Variants in MINDY3 observed in about 807,000 individuals in gnomAD.
MINDY3 encodes MINDY lysine 48 deubiquitinase 3, also known as ubiquitin carboxyl-terminal hydrolase MINDY-3.
In MINDY3, 38 loss-of-function variants were observed where a neutral mutation model predicts 69.2. The ratio of observed to expected loss-of-function variants is 0.55; its 90% CI spans 0.42 to 0.72. The LOEUF (loss-of-function observed/expected upper bound fraction) is 0.72, where lower values mean the gene tolerates loss of function less well. MINDY3 is among the 30% of genes least tolerant of loss of function. The probability of loss-of-function intolerance (pLI) is 0.00; values close to 1 mark genes in which losing one functional copy is unlikely to be tolerated. For synonymous variants in MINDY3, 192 were observed against 180.1 expected, an observed-to-expected ratio of 1.07 and a Z score of -0.53; for missense variants, 522 against 519.0, an observed-to-expected ratio of 1.01 and a Z score of -0.06.
At position 15,811,230 on chromosome 10, in the gene MINDY3, A is replaced by G. The variant is rs921479709; in HGVS notation, c.882+5605T>C. Among the ~76,000 whole-genome samples, 3 of 152,176 alleles carry G rather than the reference A, an allele frequency of 2.0e-5. No homozygotes were observed. In the East Asian group the frequency reaches 5.8e-4, roughly 29 times the overall value. ...TAAACATAATTCACAATAAAACCGA[A>G]GTTGAAATGTCAAAGATTTTTTTTC... On this transcript the variant is annotated intron_variant, in intron 10 of 14. Transcript: ENST00000277632.
intron 11 of MINDY3, among the ~76,000 whole-genome samples, chr10:15,790,334 G>A (rs181831359): frequency 1.3e-5 from 2 of 152,222 alleles, no homozygotes; most frequent in Admixed American, 6.5e-5. Context: ...GATTGGCCTT[G>A]ACTAAAAGGT....
At chr10:15,800,476 G>A (rs768418357) in intron 10 of MINDY3, among the ~76,000 whole-genome samples, 3 of 152,016 alleles carry the variant, frequency 2.0e-5, no homozygotes, top group East Asian at 3.9e-4. Context: ...CAAGTATGGC[G>A]CTAATCATCT....
At chr10:15,842,364 G>A (rs763020191) in intron 3 of MINDY3, among the ~76,000 whole-genome samples, 8 of 151,764 alleles carry the variant, frequency 5.3e-5, no homozygotes, top group Non-Finnish European at 7.4e-5. Context: ...TTATGACAAT[G>A]CTTTACAAAT....
At chr10:15,834,198 T>A (rs1023072615) in intron 7 of MINDY3, among the ~76,000 whole-genome samples, 3 of 151,914 alleles carry the variant, frequency 2.0e-5, no homozygotes, top group African/African-American at 7.2e-5. Context: ...AAATGGGGAA[T>A]GTTTTTCTCC....
intron 10 of MINDY3, among the ~76,000 whole-genome samples, chr10:15,802,901 T>C (rs913443835): frequency 6.6e-6 from 1 of 151,846 alleles, no homozygotes; most frequent in Non-Finnish European, 1.5e-5. Flanking sequence ...TAACTCTTAA[T>C]CACACCACTT....
At chr10:15,800,046 C>T (rs924127549) in intron 10 of MINDY3, among the ~76,000 whole-genome samples, 1 of 151,986 alleles carries the variant, frequency 6.6e-6, no homozygotes, top group Non-Finnish European at 1.5e-5. Flanking sequence ...TGCATGGGTC[C>T]ACTTATATGT....
chr10:15,854,089 A>G (rs117185689), intron 1 of MINDY3, among the ~76,000 whole-genome samples: 69 of 152,292 alleles, frequency 4.5e-4, no homozygotes, highest in Non-Finnish European at 9.6e-4. Context: ...GTTATAAATT[A>G]ATGCAGAGGT....
At chr10:15,829,074 T>C (rs1295783899) in intron 8 of MINDY3, among the ~76,000 whole-genome samples, 2 of 152,174 alleles carry the variant, frequency 1.3e-5, no homozygotes, top group African/African-American at 2.4e-5. Flanking sequence ...GCACCTCGTT[T>C]ACAGAAGCAA....
intron 6 of MINDY3, among the ~76,000 whole-genome samples, chr10:15,836,192 A>G (rs1833069946): frequency 6.6e-6 from 1 of 152,008 alleles, no homozygotes; most frequent in Admixed American, 6.6e-5. Flanking sequence ...AACCTGCATT[A>G]TACCCTCAAT....
At chr10:15,831,106 C>T (rs1283997176) in intron 8 of MINDY3, among the ~76,000 whole-genome samples, 1 of 152,014 alleles carries the variant, frequency 6.6e-6, no homozygotes, top group African/African-American at 2.4e-5. Flanking sequence ...AAGTTAGAGA[C>T]AGATAAAGAG....
At position 15,779,000 on chromosome 10, in the gene MINDY3, G is replaced by C; in HGVS notation, c.1330C>G (p.Leu444Val). The C allele has an allele frequency of 2.5e-6, 4 of 1,612,644 alleles. No homozygotes were observed. The highest frequency in any genetic ancestry group is 3.4e-6 in the Non-Finnish European group (4 of 1,179,260). ...LLWTTDRSPS[L>V]N ...ATAAATACTTAGACAAATTAATTTA[G>C]TGAAGGAGAGCGATCTGTGGTCCAG... is the stretch of plus-strand genomic sequence containing the variant. The change falls in exon 15 of 15, where the codon CTA (leucine) becomes GTA (valine). Residue 444 changes from leucine (L) to valine (V), a missense_variant. Coordinates refer to ENST00000277632, the MANE Select transcript of MINDY3 (RefSeq NM_024948.4).
chr10:15,852,739 G>C (rs543922981), intron 1 of MINDY3, among the ~76,000 whole-genome samples: 2 of 152,032 alleles, frequency 1.3e-5, no homozygotes, highest in South Asian at 2.1e-4. Flanking sequence ...AGTGTAATTC[G>C]GATTAGAAAG....
intron 9 of MINDY3, chr10:15,817,147 T>A: frequency 2.3e-6 from 1 of 437,496 alleles, no homozygotes; most frequent in Non-Finnish European, 4.0e-6. Flanking sequence ...AACAACAATA[T>A]AGATTTAACA....
chr10:15,853,423 T>C (rs1051856262), intron 1 of MINDY3, among the ~76,000 whole-genome samples: 1 of 152,102 alleles, frequency 6.6e-6, no homozygotes, highest in Non-Finnish European at 1.5e-5. Flanking sequence ...TATGGTGTAA[T>C]ACATTGCTGG....
rs2131984576 is a variant in MINDY3 at position 15,817,710 on chromosome 10, T to G, written c.802-795A>C. 2.6e-5 allele frequency: 4 copies of G among 152,310 alleles called. No individual in the cohort carries two copies. The Middle Eastern group carries it at 0.014, about 518-fold the overall frequency. The allele number at this position is 152,310 out of a possible 1,614,324, so 9.4% of individuals were successfully genotyped here. A position where few individuals can be genotyped will look rare whatever the true frequency, so the allele number is the denominator to read the frequency against. ...AAAATGACGAATCTTAGCAATACAA[T>G]TTGCTGCATTTTCCTTTTTCTTACA... On this transcript the variant is annotated intron_variant, in intron 9 of 14. Coordinates refer to ENST00000277632, the MANE Select transcript of MINDY3 (RefSeq NM_024948.4).
At chr10:15,827,307 C>T (rs1006818344) in intron 8 of MINDY3, among the ~76,000 whole-genome samples, 2 of 151,760 alleles carry the variant, frequency 1.3e-5, no homozygotes, top group Non-Finnish European at 2.9e-5. Flanking sequence ...TTTGGAAGGC[C>T]GAGGTTGACG....
intron 11 of MINDY3, among the ~76,000 whole-genome samples, chr10:15,795,678 C>T (rs575782780): frequency 1.3e-5 from 2 of 152,172 alleles, no homozygotes; most frequent in South Asian, 2.1e-4. Context: ...TAAGCATAGG[C>T]TCCAAAGTGA....
chr10:15,852,285 G>A (rs1479526158), intron 1 of MINDY3, among the ~76,000 whole-genome samples: 1 of 152,120 alleles, frequency 6.6e-6, no homozygotes, highest in Non-Finnish European at 1.5e-5. Context: ...GTTTTGGCAT[G>A]GAAGATAATG....
chr10:15,827,442 G>A (rs1344498256), intron 8 of MINDY3, among the ~76,000 whole-genome samples: 1 of 151,874 alleles, frequency 6.6e-6, no homozygotes, highest in Non-Finnish European at 1.5e-5. Context: ...TCGGGAGGCT[G>A]AGGCAGGAGA....
Sources: gnomAD v4.1 joint callset for allele counts (sites outside exome capture counted in the v4.1 genomes callset) on GRCh38, gnomAD v4.1.1 for gene constraint, MANE v1.5 for transcripts, NCBI Gene and HGNC (gene_info 2026-07-23, HGNC 2026-07-21) for gene names.